Variants in THSD4 observed in about 807,000 individuals in gnomAD.
The protein encoded by THSD4 is thrombospondin type 1 domain containing 4.
THSD4 carries 69 observed loss-of-function variants against 119.0 expected under a neutral mutation model. The observed-to-expected ratio is 0.58, with a 90% CI of 0.48 to 0.71. The LOEUF is 0.71. THSD4 is among the 30% of genes least tolerant of loss of function. The pLI is 0.00. For missense variants in THSD4, 1,393 were observed against 1,391.1 expected (o/e 1.00, Z -0.02); for synonymous variants, 524 against 540.4 (o/e 0.97, Z 0.42).
chr15:71,445,122 T>A (rs2047162690), intron 7 of THSD4, among the ~76,000 whole-genome samples: 1 of 152,132 alleles, frequency 6.6e-6, no homozygotes. Flanking sequence ...TCTGTACACA[T>A]GGCAAATAGC....
At chr15:71,529,650 AT>A (rs917870131) in intron 7 of THSD4, among the ~76,000 whole-genome samples, 9 of 152,032 alleles carry the variant, frequency 5.9e-5, no homozygotes, top group African/African-American at 1.7e-4. Flanking sequence ...AATAAAAGTA[AT>A]TTTTTTTCTA....
chr15:71,674,883 G>A (rs1243219324), intron 8 of THSD4, among the ~76,000 whole-genome samples: 1 of 152,190 alleles, frequency 6.6e-6, no homozygotes, highest in African/African-American at 2.4e-5. Context: ...AACCTCAGTG[G>A]TGCTGAAGTA....
At chr15:71,387,416 A>G (rs896045395) in intron 6 of THSD4, among the ~76,000 whole-genome samples, 4 of 152,200 alleles carry the variant, frequency 2.6e-5, no homozygotes, top group African/African-American at 7.2e-5. Flanking sequence ...TTTAAAGGGT[A>G]TCATTTTTTT....
chr15:71,588,263 G>A (rs369273078), intron 7 of THSD4, among the ~76,000 whole-genome samples: 4 of 144,622 alleles, frequency 2.8e-5, no homozygotes, highest in East Asian at 2.0e-4. Context: ...CCGAGATCGC[G>A]CCACTGCACT....
chr15:71,639,441 A>G (rs368693538), intron 7 of THSD4, among the ~76,000 whole-genome samples: 190 of 152,220 alleles, frequency 1.2e-3, no homozygotes, highest in African/African-American at 4.5e-3. Flanking sequence ...TCCACTCCAC[A>G]AGGGTCTGGG....
At chr15:71,559,239 C>A (rs2049072872) in intron 7 of THSD4, among the ~76,000 whole-genome samples, 1 of 152,094 alleles carries the variant, frequency 6.6e-6, no homozygotes, top group African/African-American at 2.4e-5. Flanking sequence ...TTCAGGCAAT[C>A]CTTTCCTTGA....
intron 2 of THSD4, 149 bp from the exon 3 acceptor site, chr15:71,154,714 A>G (rs1416830097): frequency 3.9e-6 from 3 of 761,490 alleles, no homozygotes; most frequent in East Asian, 5.1e-5. Context: ...TTTGGGGCCA[A>G]CACTTTGTGT....
intron 7 of THSD4, among the ~76,000 whole-genome samples, chr15:71,480,629 T>G (rs2047716377): frequency 6.6e-6 from 1 of 152,226 alleles, no homozygotes; most frequent in Non-Finnish European, 1.5e-5. Flanking sequence ...CTGAGCCTCT[T>G]ACACCCTTCC....
intron 7 of THSD4, among the ~76,000 whole-genome samples, chr15:71,479,293 C>T (rs540953946): frequency 2.6e-5 from 4 of 151,026 alleles, no homozygotes; most frequent in South Asian, 4.2e-4. Context: ...TAACATTCTC[C>T]ATCTCCATTT....
intron 7 of THSD4, among the ~76,000 whole-genome samples, chr15:71,431,047 T>C (rs1595760506): frequency 2.0e-5 from 3 of 152,302 alleles, no homozygotes; most frequent in African/African-American, 7.2e-5. Context: ...AGAATATTCA[T>C]GAATTTCAAC....
At chr15:71,650,468 G>C (rs115442630) in intron 7 of THSD4, among the ~76,000 whole-genome samples, 2,040 of 152,202 alleles carry the variant, frequency 0.013, 48 homozygotes, top group African/African-American at 0.047. Flanking sequence ...CACACTTTGA[G>C]TAACAGGGGG....
chr15:71,170,368 C>A (rs2043345368), intron 3 of THSD4, among the ~76,000 whole-genome samples: 1 of 152,106 alleles, frequency 6.6e-6, no homozygotes, highest in African/African-American at 2.4e-5. Flanking sequence ...AAGAACAGTG[C>A]CCAGCATTCA....
intron 7 of THSD4, among the ~76,000 whole-genome samples, chr15:71,643,533 T>C (rs748557393): frequency 1.3e-5 from 2 of 152,172 alleles, no homozygotes; most frequent in Non-Finnish European, 2.9e-5. Flanking sequence ...CATCATTTAG[T>C]TCCCACTTGT....
At chr15:71,212,713 C>T (rs2043897990) in intron 3 of THSD4, among the ~76,000 whole-genome samples, 1 of 152,206 alleles carries the variant, frequency 6.6e-6, no homozygotes, top group African/African-American at 2.4e-5. Context: ...GACCAGAAGT[C>T]GGGAGACAAT....
At chr15:71,728,435 G>A (rs1321497345) in intron 8 of THSD4, 114 bp from the exon 9 acceptor site, 5 of 1,293,416 alleles carry the variant, frequency 3.9e-6, no homozygotes, top group African/African-American at 1.5e-5. Flanking sequence ...CTGGCACATA[G>A]TGGATCCTGT....
intron 7 of THSD4, among the ~76,000 whole-genome samples, chr15:71,490,458 G>A (rs958157401): frequency 1.4e-4 from 21 of 151,828 alleles, no homozygotes; most frequent in Non-Finnish European, 2.8e-4. Flanking sequence ...TACTCGGGAG[G>A]CTGAGGCAGG....
intron 7 of THSD4, 98 bp from the exon 8 acceptor site, chr15:71,660,432 G>C (rs2051278717): frequency 6.9e-7 from 1 of 1,450,880 alleles, no homozygotes; most frequent in African/African-American, 1.4e-5. Context: ...TTCGTAAATA[G>C]CTAGAAAAGA....
At position 71,608,247 on chromosome 15, in the gene THSD4, TATAC is replaced by T. The variant is rs1458775088; in HGVS notation, c.1153-52281_1153-52278del. Among the ~76,000 whole-genome samples, 56 of 71,716 alleles carry T rather than the reference TATAC, an allele frequency of 7.8e-4. 2 individuals carry two copies. Among genetic ancestry groups the T allele is most frequent in the Admixed American group, 1.1e-3 (7 of 6,130 alleles). The allele number at this position is 71,716 out of a possible 152,430, so 47.0% of individuals were successfully genotyped here. ...CAAAAAAAAAAAAAAAATATATATATATACACACACACACACACACACACACACA... is the reference window on the plus strand; with the variant it reads ...CAAAAAAAAAAAAAAAATATATATATACACACACACACACACACACACACA... On this transcript the variant is annotated intron_variant, in intron 7 of 17. Coordinates refer to ENST00000261862, the MANE Select transcript of THSD4 (RefSeq NM_024817.3).
intron 3 of THSD4, among the ~76,000 whole-genome samples, chr15:71,168,655 A>T (rs2141399377): frequency 6.6e-6 from 1 of 152,316 alleles, no homozygotes; most frequent in East Asian, 1.9e-4. Flanking sequence ...GCAGGTCACG[A>T]TGCAAACAGC....
Sources: gnomAD v4.1 joint callset for allele counts (sites outside exome capture counted in the v4.1 genomes callset) on GRCh38, gnomAD v4.1.1 for gene constraint, MANE v1.5 for transcripts, NCBI Gene and HGNC (gene_info 2026-07-23, HGNC 2026-07-21) for gene names.